The following CASP4 variants were observed in gnomAD, a reference collection of about 807,000 sequenced individuals.
CASP4 encodes caspase 4, also known as caspase-4.
In CASP4, 29 loss-of-function variants were observed where a neutral mutation model predicts 41.3. The ratio of observed to expected loss-of-function variants is 0.70; its 90% CI spans 0.52 to 0.96. The LOEUF (loss-of-function observed/expected upper bound fraction) is 0.96. Among genes scored for constraint, CASP4 ranks in the 40% least tolerant of loss-of-function variants. The probability of loss-of-function intolerance (pLI) is 0.00; values close to 1 mark genes in which losing one functional copy is unlikely to be tolerated. For missense variants in CASP4, 447 were observed against 460.6 expected (o/e 0.97, Z 0.27); for synonymous variants, 185 against 158.4 (o/e 1.17, Z -1.26).
chr11:104,952,028 A>G, intron 2 of CASP4, 23 bp from the exon 3 acceptor site: 1 of 1,470,712 alleles, frequency 6.8e-7, no homozygotes, highest in Non-Finnish European at 9.5e-7. Flanking sequence ...GCAGAACATA[A>G]ATTGTGATTT....
chr11:104,944,779 A>G lies in CASP4; in HGVS notation c.1108T>C (p.Tyr370His). 1.2e-6 allele frequency: 2 copies of G among 1,612,738 alleles called. No homozygotes were observed. The highest frequency in any genetic ancestry group is 1.1e-5 in the South Asian group (1 of 91,050). ...PTIERLSMTRYFYLFPGN is the reference protein window; with the variant it reads ...PTIERLSMTRHFYLFPGN ...CAATTGCCAGGAAAGAGGTAGAAATATCTTGTCATGGACAGTCGTTCTATG... is the reference window on the plus strand; with the variant it reads ...CAATTGCCAGGAAAGAGGTAGAAATGTCTTGTCATGGACAGTCGTTCTATG... Residue 370 changes from tyrosine (Y) to histidine (H), a missense_variant, in exon 8 of 9, where the codon TAT becomes CAT. Tyr to His is a moderately conservative substitution (Grantham distance 83, BLOSUM62 2). Coordinates refer to ENST00000444739, the MANE Select transcript of CASP4 (RefSeq NM_001225.4).
chr11:104,954,785 G>C lies in CASP4; in HGVS notation c.224C>G (p.Thr75Ser), dbSNP rs1565366947. The change falls in exon 2 of 9, where the codon ACC becomes AGC. Residue 75 changes from threonine to serine, a missense_variant. Thr to Ser is a moderately conservative substitution (Grantham distance 58, BLOSUM62 1). Coordinates refer to ENST00000444739, the MANE Select transcript of CASP4 (RefSeq NM_001225.4). ...QRMAGQMLLQ[T>S]FFNIDQISPN... ...GGATATTTGGTCTATGTTAAAAAAG[G>C]TTTGAAGAAGCATTTGTCCTGCCAT... 1.1e-5 allele frequency: 18 copies of C among 1,613,426 alleles called. No individual in the cohort carries two copies. The highest frequency in any genetic ancestry group is 1.4e-5 in the Non-Finnish European group (16 of 1,179,642).
chr11:104,946,925 G>T (rs1396758274), intron 7 of CASP4, 158 bp downstream of exon 7: 1 of 567,646 alleles, frequency 1.8e-6, no homozygotes, highest in Admixed American at 3.0e-5. Flanking sequence ...TATTGGAATT[G>T]TCTTTTCCTT....
rs1276293219 is a variant in CASP4 at position 104,944,734 on chromosome 11, T to C, written c.*5+14A>G. ...ATTTATTTCACATACCACCAACAAC[T>C]CTCAATACTTAACCATTTTCAATTG... On this transcript the variant is annotated intron_variant, in intron 8 of 8. Transcript: ENST00000444739. 1 of 1,494,212 alleles carries C rather than the reference T, an allele frequency of 6.7e-7. No individual in the cohort carries two copies. The highest frequency in any genetic ancestry group is 2.3e-5 in the East Asian group (1 of 44,276). The allele number at this position is 1,494,212 out of a possible 1,614,324, so 92.6% of individuals were successfully genotyped here.
Position 104,948,515 on chromosome 11 carries a change from C to A in CASP4, c.925+18G>T. 2 of 1,568,260 alleles carry A rather than the reference C, an allele frequency of 1.3e-6. No individual in the cohort carries two copies. Among genetic ancestry groups the A allele is most frequent in the Non-Finnish European group, 1.7e-6 (2 of 1,151,054 alleles). On this transcript the variant is annotated intron_variant, in intron 6 of 8. Coordinates refer to ENST00000444739, the MANE Select transcript of CASP4 (RefSeq NM_001225.4). ...CCTCAGGCCCACAAATCCCTTACTG[C>A]CACTGAAAGATACATACGTGGCGTT...
At chr11:104,961,951 C>T (rs1027755365) in intron 1 of CASP4, among the ~76,000 whole-genome samples, 5 of 152,166 alleles carry the variant, frequency 3.3e-5, no homozygotes, top group Non-Finnish European at 5.9e-5. Flanking sequence ...GAGGTCGTCC[C>T]TCCCCACCTG....
At chr11:104,945,275 T>C (rs981544578) in intron 7 of CASP4, among the ~76,000 whole-genome samples, 2 of 146,182 alleles carry the variant, frequency 1.4e-5, no homozygotes, top group African/African-American at 5.1e-5. Context: ...TTTTTTAAGA[T>C]GGAGTCTTGC....
intron 8 of CASP4, 155 bp from the exon 9 acceptor site, chr11:104,943,128 G>T: frequency 2.8e-6 from 1 of 358,870 alleles, no homozygotes; most frequent in Non-Finnish European, 5.4e-6. Flanking sequence ...ACCAAAATGT[G>T]ATCTTTGTAA....
At position 104,944,858 on chromosome 11, in the gene CASP4, A is replaced by G; in HGVS notation, c.1036-7T>C. 1 of 1,586,640 alleles carries G rather than the reference A, an allele frequency of 6.3e-7. No homozygotes were observed. The highest frequency in any genetic ancestry group is 1.3e-5 in the African/African-American group (1 of 74,444). On this transcript the variant is annotated splice_polypyrimidine_tract_variant and splice_region_variant and intron_variant, in intron 7 of 8. Transcript: ENST00000444739. ...TTTCAAATGATTGCTGTACCTGAAA[A>G]AGAAAATAGGCTGTAGATGAGATAC...
intron 1 of CASP4, among the ~76,000 whole-genome samples, chr11:104,967,668 G>T (rs1033831994): frequency 5.3e-5 from 8 of 152,136 alleles, no homozygotes; most frequent in African/African-American, 1.9e-4. Flanking sequence ...ATGCCTGCAG[G>T]GTATTTAAGA....
chr11:104,944,718 A>G, intron 8 of CASP4, 30 bp downstream of exon 8: 3 of 1,357,552 alleles, frequency 2.2e-6, no homozygotes, highest in Non-Finnish European at 3.2e-6. Flanking sequence ...TATTTATTTC[A>G]CATACCACCA....
intron 1 of CASP4, among the ~76,000 whole-genome samples, chr11:104,963,851 G>T (rs1860915140): frequency 6.6e-6 from 1 of 152,042 alleles, no homozygotes; most frequent in Admixed American, 6.6e-5. Flanking sequence ...CCTTCATTTT[G>T]GAGATCTGTC....
At position 104,950,822 on chromosome 11, in the gene CASP4, A is replaced by ACACACACCCC. The variant is rs112827503; in HGVS notation, c.546+102_546+103insGGGGTGTGTG. On this transcript the variant is annotated intron_variant, in intron 4 of 8. Coordinates refer to ENST00000444739, the MANE Select transcript of CASP4 (RefSeq NM_001225.4). ...TACACACACACACACACACACACAC[A>ACACACACCCC]CCCAAAGGTTGTTAAACCTTGTTGA... 72 of 1,022,916 alleles carry ACACACACCCC rather than the reference A, an allele frequency of 7.0e-5. 1 individual carries two copies. The African/African-American group carries it at 1.1e-3, about 15-fold the overall frequency. 63.4% of individuals were successfully genotyped at this position (1,022,916 alleles called of 1,614,324 possible). A position where few individuals can be genotyped will look rare whatever the true frequency, so the allele number is the denominator to read the frequency against.
intron 2 of CASP4, among the ~76,000 whole-genome samples, chr11:104,953,094 T>C (rs1032419006): frequency 1.3e-5 from 2 of 152,150 alleles, no homozygotes; most frequent in Non-Finnish European, 2.9e-5. Context: ...AGAAATTAGA[T>C]AGAATTTCTA....
At chr11:104,960,954 T>C (rs1222505694) in intron 1 of CASP4, among the ~76,000 whole-genome samples, 1 of 152,248 alleles carries the variant, frequency 6.6e-6, no homozygotes, top group Non-Finnish European at 1.5e-5. Context: ...GTCAAGTCCA[T>C]GTAGGAACAA....
Position 104,954,774 on chromosome 11 carries a change from T to C in CASP4, c.235A>G (p.Ile79Val), listed in dbSNP as rs1860695293. 2 of 1,613,338 alleles carry C rather than the reference T, an allele frequency of 1.2e-6. No homozygotes were observed. Among genetic ancestry groups the C allele is most frequent in the South Asian group, 1.1e-5 (1 of 91,050 alleles). The change falls in exon 2 of 9, where the codon ATA becomes GTA. Residue 79 changes from isoleucine (I) to valine (V), a missense_variant. Transcript: ENST00000444739. ...GQMLLQTFFN[I>V]DQISPNKKAH... Reference sequence around the variant, plus strand: ...TTTTTATTGGGGGATATTTGGTCTATGTTAAAAAAGGTTTGAAGAAGCATT... The same window carrying C: ...TTTTTATTGGGGGATATTTGGTCTACGTTAAAAAAGGTTTGAAGAAGCATT...
chr11:104,946,799 G>T, intron 7 of CASP4: 2 of 200,784 alleles, frequency 1.0e-5, no homozygotes, highest in Non-Finnish European at 2.0e-5. Context: ...AATAAATTAA[G>T]AAATAAAAAT....
chr11:104,957,906 A>G (rs114341090), intron 1 of CASP4, among the ~76,000 whole-genome samples: 3,869 of 152,236 alleles, frequency 0.025, 181 homozygotes, highest in African/African-American at 0.087. Flanking sequence ...AAAGTACTAC[A>G]GTCATCAAAA....
chr11:104,957,469 G>A lies in CASP4; in HGVS notation c.8-2468C>T, dbSNP rs930427174. On this transcript the variant is annotated intron_variant, in intron 1 of 8. Coordinates refer to ENST00000444739, the MANE Select transcript of CASP4 (RefSeq NM_001225.4). ...TGTCTATAGTCCTTGCTTCTTGGAAGTCTGAGGTAGGAGGATTGCTTAAGC... is the reference window on the plus strand; with the variant it reads ...TGTCTATAGTCCTTGCTTCTTGGAAATCTGAGGTAGGAGGATTGCTTAAGC... Among the ~76,000 whole-genome samples the A allele has an allele frequency of 4.9e-4, 74 of 152,216 alleles. 1 individual carries two copies. The highest frequency in any genetic ancestry group is 1.6e-3 in the African/African-American group (68 of 41,536).
Sources: gnomAD v4.1 joint callset for allele counts (sites outside exome capture counted in the v4.1 genomes callset) on GRCh38, gnomAD v4.1.1 for gene constraint, MANE v1.5 for transcripts, NCBI Gene and HGNC (gene_info 2026-07-23, HGNC 2026-07-21) for gene names.